Variants in RCAN2 observed in about 807,000 individuals in gnomAD.
The protein encoded by RCAN2 is regulator of calcineurin 2.
RCAN2 carries 9 observed loss-of-function variants against 23.6 expected under a neutral mutation model. That is an observed-to-expected ratio of 0.38 (90% CI 0.23 to 0.67). The LOEUF is 0.67. RCAN2 is among the 30% of genes least tolerant of loss of function. RCAN2 has a pLI of 0.51. For synonymous variants in RCAN2, 109 were observed against 115.7 expected (o/e 0.94, Z 0.37); for missense variants, 273 against 302.3 (o/e 0.90, Z 0.72).
chr6:46,402,100 T>C (rs528276933), intron 2 of RCAN2, among the ~76,000 whole-genome samples: 2 of 152,212 alleles, frequency 1.3e-5, no homozygotes, highest in Non-Finnish European at 2.9e-5. Flanking sequence ...AATGTTTCCA[T>C]TAAATATTAA....
chr6:46,457,019 T>G, intron 1 of RCAN2, 41 bp from the exon 2 acceptor site: 1 of 1,428,662 alleles, frequency 7.0e-7, no homozygotes, highest in Non-Finnish European at 9.6e-7. Flanking sequence ...GCAGAACAAA[T>G]TCCTTAAAAC....
At chr6:46,370,052 G>T (rs1044876323) in intron 2 of RCAN2, among the ~76,000 whole-genome samples, 81 of 152,176 alleles carry the variant, frequency 5.3e-4, no homozygotes, top group African/African-American at 1.7e-3. Context: ...TCTCAGGTCT[G>T]TGGTTAACAG....
chr6:46,437,186 G>A (rs945080592), intron 2 of RCAN2, among the ~76,000 whole-genome samples: 1 of 152,246 alleles, frequency 6.6e-6, no homozygotes. Flanking sequence ...ATAGGAAAAC[G>A]AGCCTCCACA....
At chr6:46,263,493 GTATGTGTGTATGTGTGTGTA>G (rs1767196049) in intron 2 of RCAN2, among the ~76,000 whole-genome samples, 1 of 124,142 alleles carries the variant, frequency 8.1e-6, no homozygotes, top group African/African-American at 3.0e-5. Context: ...GTGTGTGTGT[GTATGTGTGTATGTGTGTGTA>G]TGTGTGTATG....
At chr6:46,284,838 T>G (rs1285009639) in intron 2 of RCAN2, among the ~76,000 whole-genome samples, 1 of 152,228 alleles carries the variant, frequency 6.6e-6, no homozygotes, top group Non-Finnish European at 1.5e-5. Flanking sequence ...AGTATATTAC[T>G]GCAATCTTCA....
At chr6:46,472,996 A>C (rs1157596846) in intron 1 of RCAN2, among the ~76,000 whole-genome samples, 1 of 152,202 alleles carries the variant, frequency 6.6e-6, no homozygotes, top group African/African-American at 2.4e-5. Flanking sequence ...ACCAAGCTTA[A>C]GCCCCAAATC....
intron 4 of RCAN2, among the ~76,000 whole-genome samples, chr6:46,240,804 G>A (rs1253313873): frequency 6.6e-6 from 1 of 151,936 alleles, no homozygotes; most frequent in African/African-American, 2.4e-5. Context: ...TTCCCATTGG[G>A]GAAAACACCA....
chr6:46,305,918 CT>C (rs756724125), intron 2 of RCAN2, among the ~76,000 whole-genome samples: 2,990 of 142,578 alleles, frequency 0.021, 27 homozygotes, highest in Middle Eastern at 0.047. Flanking sequence ...TGCTGAAGAC[CT>C]TTTTTTTTTT....
At chr6:46,357,026 C>T (rs1302914798) in intron 2 of RCAN2, among the ~76,000 whole-genome samples, 1 of 152,202 alleles carries the variant, frequency 6.6e-6, no homozygotes, top group East Asian at 1.9e-4. Context: ...ATTTGACCCT[C>T]TCCAGCTGTG....
At chr6:46,475,322 T>C (rs916715026) in intron 1 of RCAN2, among the ~76,000 whole-genome samples, 9 of 152,212 alleles carry the variant, frequency 5.9e-5, no homozygotes, top group African/African-American at 1.9e-4. Flanking sequence ...CTCTCTAGGC[T>C]AATTTATTGG....
At chr6:46,236,828 A>G (rs1303590054) in intron 4 of RCAN2, among the ~76,000 whole-genome samples, 29 of 152,374 alleles carry the variant, frequency 1.9e-4, no homozygotes, top group Non-Finnish European at 5.9e-5. Context: ...AACTCACTAC[A>G]TTCCCTAAAC....
intron 2 of RCAN2, among the ~76,000 whole-genome samples, chr6:46,396,313 G>A (rs554328071): frequency 3.3e-5 from 5 of 152,242 alleles, no homozygotes; most frequent in African/African-American, 1.2e-4. Flanking sequence ...CTGTCCTAGG[G>A]TTTGTTTGAA....
At chr6:46,379,191 A>C (rs891929461) in intron 2 of RCAN2, among the ~76,000 whole-genome samples, 1 of 152,182 alleles carries the variant, frequency 6.6e-6, no homozygotes, top group Non-Finnish European at 1.5e-5. Flanking sequence ...TTTGCCAATT[A>C]TGTGGGTACA....
At chr6:46,252,146 G>A (rs938347401) in intron 2 of RCAN2, among the ~76,000 whole-genome samples, 1 of 152,012 alleles carries the variant, frequency 6.6e-6, no homozygotes, top group African/African-American at 2.4e-5. Context: ...CATTTGCTGA[G>A]GCAACAAGAT....
intron 2 of RCAN2, among the ~76,000 whole-genome samples, chr6:46,434,318 A>G (rs1408752913): frequency 6.6e-6 from 1 of 152,190 alleles, no homozygotes; most frequent in Non-Finnish European, 1.5e-5. Context: ...TGGTGTCCTG[A>G]GAGTGGGTGC....
chr6:46,281,633 G>A (rs1767922653), intron 2 of RCAN2, among the ~76,000 whole-genome samples: 1 of 152,172 alleles, frequency 6.6e-6, no homozygotes. Flanking sequence ...GTGCTCCAGA[G>A]AGAGCTTGAA....
At chr6:46,262,425 AC>A (rs1182345010) in intron 2 of RCAN2, among the ~76,000 whole-genome samples, 3 of 152,020 alleles carry the variant, frequency 2.0e-5, no homozygotes, top group Non-Finnish European at 4.4e-5. Flanking sequence ...CCAAAAATCA[AC>A]CTTGGAAGCC....
chr6:46,435,030 T>C (rs1175038862), intron 2 of RCAN2, among the ~76,000 whole-genome samples: 2 of 152,232 alleles, frequency 1.3e-5, no homozygotes, highest in South Asian at 4.1e-4. Flanking sequence ...ATTAAATATG[T>C]CGTTGCGATG....
chr6:46,455,901 A>G (rs569413542), intron 2 of RCAN2, among the ~76,000 whole-genome samples: 25 of 151,926 alleles, frequency 1.6e-4, no homozygotes, highest in South Asian at 6.2e-4. Flanking sequence ...AAAAAGAAAA[A>G]AAAAAGGCCC....
Sources: gnomAD v4.1 joint callset for allele counts (sites outside exome capture counted in the v4.1 genomes callset) on GRCh38, gnomAD v4.1.1 for gene constraint, MANE v1.5 for transcripts, NCBI Gene and HGNC (gene_info 2026-07-23, HGNC 2026-07-21) for gene names.